Variants in PARVB observed in about 807,000 individuals in gnomAD.
PARVB encodes the protein beta-parvin.
Under a neutral mutation model 47.0 loss-of-function variants are expected in PARVB, and 46 were observed. The observed-to-expected ratio is 0.98, with a 90% CI of 0.77 to 1.25. The LOEUF (loss-of-function observed/expected upper bound fraction) is 1.25. Among genes scored for constraint, PARVB ranks in the 50% most tolerant of loss-of-function variants. The pLI is 0.00. For missense variants in PARVB, 473 were observed against 471.6 expected (o/e 1.00, Z -0.03); for synonymous variants, 196 against 196.3 (o/e 1.00, Z 0.01).
At position 44,068,727 on chromosome 22, in the gene PARVB, C is replaced by A. The variant is rs1015614973; in HGVS notation, c.113-25201C>A. Among the ~76,000 whole-genome samples, 3 of 152,184 alleles carry A rather than the reference C, an allele frequency of 2.0e-5. No individual in the cohort carries two copies. The highest frequency in any genetic ancestry group is 2.9e-5 in the Non-Finnish European group (2 of 68,026). Reference sequence around the variant, plus strand: ...ACCCAGCTCCGTGCCAGCTTGCAGACCCCCAATCACTTCTCCTGTCTCAGG... The same window carrying A: ...ACCCAGCTCCGTGCCAGCTTGCAGAACCCCAATCACTTCTCCTGTCTCAGG... On this transcript the variant is annotated intron_variant, in intron 1 of 12. Transcript: ENST00000338758. The surrounding 1 kb of genome is among the most constrained non-coding windows in gnomAD (Gnocchi z 4.1).
chr22:44,037,517 A>G (rs2050942743), intron 1 of PARVB, among the ~76,000 whole-genome samples: 1 of 152,234 alleles, frequency 6.6e-6, no homozygotes, highest in Admixed American at 6.5e-5. Context: ...GTGCTGTGCT[A>G]GATGCTTCCT....
At chr22:44,156,019 A>G (rs1026545983) in intron 10 of PARVB, among the ~76,000 whole-genome samples, 2 of 151,984 alleles carry the variant, frequency 1.3e-5, no homozygotes, top group East Asian at 3.9e-4. Context: ...GTATGGTGGC[A>G]CGCGCCTGTA....
intron 11 of PARVB, among the ~76,000 whole-genome samples, chr22:44,163,103 G>C (rs2054088148): frequency 6.6e-6 from 1 of 152,168 alleles, no homozygotes; most frequent in South Asian, 2.1e-4. Context: ...GCCCTTCCTG[G>C]GGCAGTGCCA....
At chr22:44,011,864 C>G (rs796832462) in intron 2 of PARVB, among the ~76,000 whole-genome samples, 1 of 152,104 alleles carries the variant, frequency 6.6e-6, no homozygotes, top group Non-Finnish European at 1.5e-5. Flanking sequence ...TCCAAAACAC[C>G]ACTCTCATCC....
At chr22:44,139,441 T>TTTTGTTTG (rs149835690) in intron 7 of PARVB, 2 of 152,636 alleles carry the variant, frequency 1.3e-5, no homozygotes, top group Admixed American at 1.3e-4. Flanking sequence ...TTTTTTATTG[T>TTTTGTTTG]TTTGTTTGTT....
At chr22:44,027,912 AC>A (rs1247563862) in intron 1 of PARVB, among the ~76,000 whole-genome samples, 5 of 75,426 alleles carry the variant, frequency 6.6e-5, no homozygotes, top group African/African-American at 7.2e-5. Context: ...AGAAAAAAAA[AC>A]CATATATATA....
chr22:44,158,593 T>C (rs2147170163), intron 11 of PARVB, among the ~76,000 whole-genome samples: 1 of 152,342 alleles, frequency 6.6e-6, no homozygotes, highest in Non-Finnish European at 1.5e-5. Context: ...TTTTCATTCC[T>C]GTGGATTGTT....
At chr22:43,999,563 C>T (rs754075874) in exon 2 of PARVB, 1 of 1,609,016 alleles carries the variant, frequency 6.2e-7, no homozygotes, top group South Asian at 1.1e-5. Flanking sequence ...CGTGGGTGTT[C>T]CTGCAGCTGG....
intron 8 of PARVB, chr22:44,145,862 T>G (rs1053070707): frequency 6.6e-6 from 1 of 152,284 alleles, no homozygotes; most frequent in African/African-American, 2.4e-5. Context: ...TAAGCTGCAT[T>G]TATAGTTTGC....
chr22:44,155,068 G>T lies in PARVB; in HGVS notation c.844-2914G>T. On this transcript the variant is annotated intron_variant, in intron 10 of 12. Coordinates refer to ENST00000338758, the MANE Select transcript of PARVB (RefSeq NM_013327.5). This position sits in a 1 kb window ranked among gnomAD's most constrained non-coding sequence, Gnocchi z 4.8. ...TGTGTGTGTGTGTGTGGTTTTTGTAGTCTGTGTGGTGTGTGTGTGGTGTAG... is the reference window on the plus strand; with the variant it reads ...TGTGTGTGTGTGTGTGGTTTTTGTATTCTGTGTGGTGTGTGTGTGGTGTAG... 6.8e-6 allele frequency among the ~76,000 whole-genome samples: 1 copy of T among 146,506 alleles called. No homozygotes were observed. The highest frequency in any genetic ancestry group is 2.0e-4 in the East Asian group (1 of 5,114).
At chr22:44,036,009 G>A (rs2050916704) in intron 1 of PARVB, among the ~76,000 whole-genome samples, 1 of 152,144 alleles carries the variant, frequency 6.6e-6, no homozygotes, top group Non-Finnish European at 1.5e-5. Context: ...TGTAATCCCA[G>A]CACTTTGGGA....
At chr22:44,006,119 A>AT (rs1603421882) in intron 2 of PARVB, among the ~76,000 whole-genome samples, 1 of 152,142 alleles carries the variant, frequency 6.6e-6, no homozygotes, top group African/African-American at 2.4e-5. Flanking sequence ...TTTTAAAAGT[A>AT]TTTTTTATAG....
At chr22:44,037,291 C>A (rs990502081) in intron 1 of PARVB, among the ~76,000 whole-genome samples, 1 of 151,168 alleles carries the variant, frequency 6.6e-6, no homozygotes, top group Non-Finnish European at 1.5e-5. Context: ...GGCATGGTGG[C>A]TTTTGCTTGT....
intron 8 of PARVB, chr22:44,142,015 C>G (rs751548986): frequency 6.6e-6 from 1 of 152,172 alleles, no homozygotes; most frequent in Non-Finnish European, 1.5e-5. Context: ...GTGCCCCCCT[C>G]TGTCACCTCT....
intron 1 of PARVB, among the ~76,000 whole-genome samples, chr22:44,081,428 A>G (rs1396683860): frequency 1.3e-5 from 2 of 152,198 alleles, no homozygotes; most frequent in Non-Finnish European, 2.9e-5. Context: ...GCAGGTGCAT[A>G]GTAAAGCCTT....
At chr22:44,024,755 C>T (rs2050700833) in intron 1 of PARVB, among the ~76,000 whole-genome samples, 2 of 152,156 alleles carry the variant, frequency 1.3e-5, no homozygotes, top group African/African-American at 4.8e-5. Flanking sequence ...GTGTTCAGCT[C>T]TTCCCTGGGC....
intron 4 of PARVB, among the ~76,000 whole-genome samples, chr22:44,129,112 G>A (rs924306052): frequency 2.0e-5 from 3 of 152,064 alleles, no homozygotes; most frequent in African/African-American, 7.2e-5. Context: ...GGTAATGAAA[G>A]TAAAATGAGG....
rs1427025083 is a variant in PARVB, at chr22:44,125,269, T to TTA, written c.376+6129_376+6130insTA. 7.3e-5 allele frequency among the ~76,000 whole-genome samples: 11 copies of TTA among 151,094 alleles called. No individual in the cohort carries two copies. Among genetic ancestry groups the TTA allele is most frequent in the Admixed American group, 1.3e-4 (2 of 15,162 alleles). ...CATTGGCTTACATGTGTCGGGTGGC[T>TTA]CTTGGCTGTAGAGACACAGTGGGAA... On this transcript the variant is annotated intron_variant, in intron 4 of 12. Coordinates refer to ENST00000338758, the MANE Select transcript of PARVB (RefSeq NM_013327.5). This position sits in a 1 kb window ranked among gnomAD's most constrained non-coding sequence, Gnocchi z 4.1.
chr22:44,136,886 T>C (rs1421133613), intron 7 of PARVB, among the ~76,000 whole-genome samples: 1 of 152,226 alleles, frequency 6.6e-6, no homozygotes, highest in East Asian at 1.9e-4. Context: ...AGGTGGGAGC[T>C]ACATCTTTAA....
Sources: allele counts gnomAD v4.1 joint callset (sites outside exome capture counted in the v4.1 genomes callset), GRCh38; gene constraint gnomAD v4.1.1; non-coding constraint Gnocchi (gnomAD v3.1); transcripts MANE v1.5; gene names NCBI Gene and HGNC (gene_info 2026-07-23, HGNC 2026-07-21).